Variants in CPED1 observed in about 807,000 individuals in gnomAD.
CPED1 encodes the protein cadherin-like and PC-esterase domain-containing protein 1.
In CPED1, 114 loss-of-function variants were observed where a neutral mutation model predicts 128.2. The ratio of observed to expected loss-of-function variants is 0.89; its 90% CI spans 0.76 to 1.04. The LOEUF (loss-of-function observed/expected upper bound fraction) is 1.04, where lower values mean the gene tolerates loss of function less well. Ranked by LOEUF, CPED1 falls within the 50% of genes least tolerant of loss-of-function variation. CPED1 has a pLI of 0.00. For synonymous variants in CPED1, 462 were observed against 426.7 expected, an observed-to-expected ratio of 1.08 and a Z score of -1.02; for missense variants, 1,211 against 1,207.1, an observed-to-expected ratio of 1.00 and a Z score of -0.05.
chr7:121,003,282 T>C (rs1267644785), intron 2 of CPED1, among the ~76,000 whole-genome samples: 2 of 152,182 alleles, frequency 1.3e-5, no homozygotes, highest in African/African-American at 4.8e-5. Flanking sequence ...ATTTCCACTT[T>C]AGACCTGACT....
chr7:121,208,325 A>G (rs762986204), intron 16 of CPED1, among the ~76,000 whole-genome samples: 26 of 152,050 alleles, frequency 1.7e-4, no homozygotes, highest in Non-Finnish European at 3.1e-4. Flanking sequence ...TTTGTTCAGA[A>G]TATCTGTGAA....
chr7:121,023,181 G>A (rs1792486858), intron 3 of CPED1, among the ~76,000 whole-genome samples: 1 of 152,130 alleles, frequency 6.6e-6, no homozygotes, highest in Non-Finnish European at 1.5e-5. Context: ...TGCAGCAGAA[G>A]CCAGAACTGT....
chr7:121,268,139 T>G (rs1434746585), intron 21 of CPED1, among the ~76,000 whole-genome samples: 1 of 152,028 alleles, frequency 6.6e-6, no homozygotes, highest in Non-Finnish European at 1.5e-5. Context: ...GCCAAAGGGT[T>G]TAAGGCTACT....
chr7:121,230,379 G>T (rs1460881888), intron 16 of CPED1, among the ~76,000 whole-genome samples: 1 of 152,020 alleles, frequency 6.6e-6, no homozygotes, highest in Non-Finnish European at 1.5e-5. Context: ...ATTTTGGAAT[G>T]ATTTTTAAAG....
chr7:121,018,439 G>A (rs1318614724), intron 3 of CPED1, among the ~76,000 whole-genome samples: 1 of 152,000 alleles, frequency 6.6e-6, no homozygotes, highest in Non-Finnish European at 1.5e-5. Flanking sequence ...AGCAGCCTGG[G>A]GGAAGAGGAA....
At chr7:121,064,445 C>T (rs1265409666) in intron 5 of CPED1, 132 bp downstream of exon 5, 6 of 638,232 alleles carry the variant, frequency 9.4e-6, no homozygotes, top group Admixed American at 4.9e-5. Context: ...ACAGATCTTC[C>T]GCAGTTCACA....
chr7:121,201,431 A>C (rs559783219), intron 16 of CPED1, among the ~76,000 whole-genome samples: 50 of 147,200 alleles, frequency 3.4e-4, no homozygotes, highest in Middle Eastern at 3.4e-3. Context: ...GTGAGATGTC[A>C]TCAAGAAAGA....
chr7:121,093,295 C>T (rs1223224220), intron 5 of CPED1, among the ~76,000 whole-genome samples: 6 of 151,606 alleles, frequency 4.0e-5, no homozygotes, highest in African/African-American at 7.3e-5. Flanking sequence ...TTTTTTTTAC[C>T]TAACAAAAGG....
intron 16 of CPED1, among the ~76,000 whole-genome samples, chr7:121,169,928 G>A (rs1221813341): frequency 6.6e-6 from 1 of 152,006 alleles, no homozygotes; most frequent in East Asian, 1.9e-4. Context: ...TTTAATCGAT[G>A]TCTGTGGGAG....
intron 16 of CPED1, among the ~76,000 whole-genome samples, chr7:121,202,292 G>A (rs564377326): frequency 3.9e-5 from 6 of 152,072 alleles, no homozygotes; most frequent in Admixed American, 6.6e-5. Context: ...TGGAATTAGC[G>A]CTGTCTTCAT....
intron 7 of CPED1, among the ~76,000 whole-genome samples, chr7:121,108,136 A>G (rs1180216338): frequency 6.6e-6 from 1 of 152,102 alleles, no homozygotes; most frequent in Non-Finnish European, 1.5e-5. Context: ...TATTGTACAA[A>G]TAGTCTGAGC....
At chr7:121,131,111 C>T (rs1795654522) in intron 12 of CPED1, among the ~76,000 whole-genome samples, 1 of 152,072 alleles carries the variant, frequency 6.6e-6, no homozygotes, top group Non-Finnish European at 1.5e-5. Context: ...TTGCAGTCAC[C>T]CTAGGCCATG....
chr7:121,218,246 T>C (rs913521723), intron 16 of CPED1, among the ~76,000 whole-genome samples: 4 of 151,758 alleles, frequency 2.6e-5, no homozygotes, highest in African/African-American at 7.3e-5. Context: ...TTGTCCGTCT[T>C]GGACTCCCAA....
At chr7:121,163,331 G>GA (rs1386953777) in intron 16 of CPED1, among the ~76,000 whole-genome samples, 1 of 152,198 alleles carries the variant, frequency 6.6e-6, no homozygotes, top group Non-Finnish European at 1.5e-5. Flanking sequence ...AACCTAAGCA[G>GA]AAAAGGAACT....
intron 17 of CPED1, among the ~76,000 whole-genome samples, chr7:121,240,487 T>A (rs77634630): frequency 0.043 from 6,475 of 152,262 alleles, 215 homozygotes; most frequent in Non-Finnish European, 0.066. Context: ...TGCTTAAACA[T>A]AGTCTCTGTC....
chr7:121,130,165 A>G lies in CPED1; in HGVS notation c.1448A>G (p.His483Arg). 6.2e-7 allele frequency: 1 copy of G among 1,612,872 alleles called. No homozygotes were observed. Among genetic ancestry groups the G allele is most frequent in the South Asian group, 1.1e-5 (1 of 91,046 alleles). Residue 483 changes from histidine (H) to arginine (R), a missense_variant, in exon 12 of 23, where the codon CAT (histidine) becomes CGT (arginine). His to Arg is a conservative substitution (Grantham distance 29, BLOSUM62 0). Coordinates refer to ENST00000310396, the MANE Select transcript of CPED1 (RefSeq NM_024913.5). Reference protein sequence around the residue: ...STTPGIQSLMHEFYDVANPVG... With the variant: ...STTPGIQSLMREFYDVANPVG... The stretch of plus-strand genomic sequence containing the variant: ...ACTCCTGGGATTCAGTCACTGATGC[A>G]TGAATTTTATGATGTGGCAAATCCT...
At chr7:121,036,313 C>T (rs1397554802) in intron 3 of CPED1, among the ~76,000 whole-genome samples, 1 of 151,992 alleles carries the variant, frequency 6.6e-6, no homozygotes, top group Admixed American at 6.6e-5. Context: ...TCCAGTGTAT[C>T]ATTCTTACGC....
At chr7:121,036,504 TA>T (rs1277872375) in intron 3 of CPED1, among the ~76,000 whole-genome samples, 4 of 135,876 alleles carry the variant, frequency 2.9e-5, no homozygotes, top group African/African-American at 1.2e-4. Flanking sequence ...TATATATATA[TA>T]TATTTTTTTT....
At chr7:121,256,134 AAAAAAAAC>A in intron 18 of CPED1, among the ~76,000 whole-genome samples, 2 of 149,132 alleles carry the variant, frequency 1.3e-5, no homozygotes, top group African/African-American at 4.9e-5. Flanking sequence ...CAAAACAAAA[AAAAAAAAC>A]AAAGCTTATG....
Sources: allele counts gnomAD v4.1 joint callset (sites outside exome capture counted in the v4.1 genomes callset), GRCh38; gene constraint gnomAD v4.1.1; transcripts MANE v1.5; gene names NCBI Gene and HGNC (gene_info 2026-07-23, HGNC 2026-07-21).